Variants in TNFSF15 observed in about 807,000 individuals in gnomAD.
TNFSF15 encodes TNF superfamily member 15.
In TNFSF15, 15 loss-of-function variants were observed where a neutral mutation model predicts 26.4. The observed-to-expected ratio is 0.57, with a 90% CI of 0.38 to 0.87. The LOEUF (loss-of-function observed/expected upper bound fraction) is 0.87. TNFSF15 is among the 40% of genes least tolerant of loss of function. The probability of loss-of-function intolerance (pLI) is 0.00; values close to 1 mark genes in which losing one functional copy is unlikely to be tolerated. For synonymous variants in TNFSF15, 116 were observed against 115.0 expected, an observed-to-expected ratio of 1.01 and a Z score of -0.06; for missense variants, 290 against 306.1, an observed-to-expected ratio of 0.95 and a Z score of 0.39.
chr9:114,788,218 T>C lies in TNFSF15; in HGVS notation c.*2234A>G, dbSNP rs2131300899. ...GAGTTACTGAGAAATCTTTCTTTTC[T>C]GCTTTAAGTCAAGGGTAATTCCTCC... On this transcript the variant is annotated 3_prime_UTR_variant, in exon 4 of 4. Coordinates refer to ENST00000374045, the MANE Select transcript of TNFSF15 (RefSeq NM_005118.4). 6.5e-6 allele frequency: 1 copy of C among 153,918 alleles called. No individual in the cohort carries two copies. The highest frequency in any genetic ancestry group is 1.9e-4 in the East Asian group (1 of 5,178). 9.5% of individuals were successfully genotyped at this position (153,918 alleles called of 1,614,324 possible). A position where few individuals can be genotyped will look rare whatever the true frequency, so the allele number is the denominator to read the frequency against.
chr9:114,794,584 G>C (rs1829652537), intron 1 of TNFSF15, among the ~76,000 whole-genome samples: 1 of 152,082 alleles, frequency 6.6e-6, no homozygotes, highest in South Asian at 2.1e-4. Flanking sequence ...CTTATTGAAA[G>C]ACTATTCACA....
At chr9:114,798,838 A>G (rs1355013350) in intron 1 of TNFSF15, among the ~76,000 whole-genome samples, 1 of 152,216 alleles carries the variant, frequency 6.6e-6, no homozygotes, top group Non-Finnish European at 1.5e-5. Context: ...AATGATCCAC[A>G]TAGCCTTTCC....
In TNFSF15 at chr9:114,786,521, A is replaced by G. The variant is rs1305556597; in HGVS notation, c.*3931T>C. 1 of 152,160 alleles carries G rather than the reference A, an allele frequency of 6.6e-6. No homozygotes were observed. 9.4% of individuals were successfully genotyped at this position (152,160 alleles called of 1,614,324 possible). ...AACTGAATAGTTTAGGTTGAAATGG[A>G]GCCAAGAGTTCTGGTGTGCTCTATT... On this transcript the variant is annotated 3_prime_UTR_variant, in exon 4 of 4. Transcript: ENST00000374045.
intron 1 of TNFSF15, among the ~76,000 whole-genome samples, chr9:114,797,701 G>A (rs1461800042): frequency 6.6e-6 from 1 of 152,246 alleles, no homozygotes; most frequent in Non-Finnish European, 1.5e-5. Flanking sequence ...GCACCGAAGA[G>A]GTGTTGGCTC....
chr9:114,802,906 G>A (rs1269791075), intron 1 of TNFSF15, among the ~76,000 whole-genome samples: 6 of 152,178 alleles, frequency 3.9e-5, no homozygotes, highest in African/African-American at 1.2e-4. Context: ...CTCTGTCACC[G>A]ACTAGAGGTA....
At position 114,784,711 on chromosome 9, in the gene TNFSF15, A is replaced by T. The variant is rs1413985870; in HGVS notation, c.*5741T>A. On this transcript the variant is annotated 3_prime_UTR_variant, in exon 4 of 4. Coordinates refer to ENST00000374045, the MANE Select transcript of TNFSF15 (RefSeq NM_005118.4). ...TATTAAATATATTAACACATACAAC[A>T]TTTCATTTACAGAGATTAGAATTCA... The T allele has an allele frequency of 6.6e-6, 1 of 152,234 alleles. No homozygotes were observed. The highest frequency in any genetic ancestry group is 2.4e-5 in the African/African-American group (1 of 41,458). The allele number at this position is 152,234 out of a possible 1,614,324, so 9.4% of individuals were successfully genotyped here. A position where few individuals can be genotyped will look rare whatever the true frequency, so the allele number is the denominator to read the frequency against.
At position 114,787,773 on chromosome 9, in the gene TNFSF15, A is replaced by G. The variant is rs983464488; in HGVS notation, c.*2679T>C. Reference sequence around the variant, plus strand: ...TGTGCCTTTCCGTAAAAAATATACTATACAGAATTTAACAAAATCAGCAGT... The same window carrying G: ...TGTGCCTTTCCGTAAAAAATATACTGTACAGAATTTAACAAAATCAGCAGT... On this transcript the variant is annotated 3_prime_UTR_variant, in exon 4 of 4. Coordinates refer to ENST00000374045, the MANE Select transcript of TNFSF15 (RefSeq NM_005118.4). 6.5e-6 allele frequency: 1 copy of G among 153,790 alleles called. No individual in the cohort carries two copies. The highest frequency in any genetic ancestry group is 1.5e-5 in the Non-Finnish European group (1 of 68,050). The allele number at this position is 153,790 out of a possible 1,614,324, so 9.5% of individuals were successfully genotyped here.
intron 1 of TNFSF15, among the ~76,000 whole-genome samples, chr9:114,795,492 A>G (rs533321108): frequency 6.6e-6 from 1 of 152,380 alleles, no homozygotes; most frequent in East Asian, 1.9e-4. Flanking sequence ...TTTACACTGT[A>G]TTAGGTATCA....
intron 2 of TNFSF15, 87 bp downstream of exon 2, chr9:114,793,439 G>C (rs1174753238): frequency 6.8e-7 from 1 of 1,476,932 alleles, no homozygotes; most frequent in Non-Finnish European, 9.5e-7. Context: ...TGTACTTAAA[G>C]ACTCATCTCT....
At chr9:114,793,430 G>C in intron 2 of TNFSF15, 96 bp downstream of exon 2, 1 of 1,430,294 alleles carries the variant, frequency 7.0e-7, no homozygotes, top group African/African-American at 1.4e-5. Context: ...TTAGCAACTT[G>C]TACTTAAAGA....
At chr9:114,792,380 C>G in intron 3 of TNFSF15, 27 bp downstream of exon 3, 1 of 1,611,710 alleles carries the variant, frequency 6.2e-7, no homozygotes, top group Non-Finnish European at 8.5e-7. Flanking sequence ...CCCATGGTCT[C>G]CCGTAAAACA....
chr9:114,792,510 A>T, intron 2 of TNFSF15, 56 bp from the exon 3 acceptor site: 1 of 1,612,450 alleles, frequency 6.2e-7, no homozygotes, highest in Non-Finnish European at 8.5e-7. Flanking sequence ...TGAAATGAAG[A>T]CGGCCCTTTG....
rs866462140 is a variant in TNFSF15 at position 114,805,871 on chromosome 9, C to T, written c.142G>A (p.Ala48Thr). The part of the protein sequence containing the change: ...TCCLVLLPFL[A>T]GLTTYLLVSQ... ...ACAAGCAGGTATGTGGTGAGTCCTG[C>T]AAGGAAGGGGAGCAACACCAGGCAG... Residue 48 changes from alanine to threonine, a missense_variant, in exon 1 of 4, where the codon GCA becomes ACA. Physicochemically the swap from Ala to Thr is moderately conservative, Grantham distance 58. This residue lies in a region of TNFSF15 where 179 missense variants were observed against 165.9 expected (regional missense o/e 1.08). Coordinates refer to ENST00000374045, the MANE Select transcript of TNFSF15 (RefSeq NM_005118.4). 1 of 1,613,986 alleles carries T rather than the reference C, an allele frequency of 6.2e-7. No individual in the cohort carries two copies. Among genetic ancestry groups the T allele is most frequent in the African/African-American group, 1.3e-5 (1 of 75,040 alleles).
chr9:114,798,539 G>A (rs575140140), intron 1 of TNFSF15, among the ~76,000 whole-genome samples: 1 of 152,188 alleles, frequency 6.6e-6, no homozygotes, highest in South Asian at 2.1e-4. Context: ...CCTGTATTGG[G>A]CATTTATGTG....
rs1829581501 is a variant in TNFSF15, at chr9:114,790,647, G to A, written c.561C>T (p.Ser187=). The change falls in exon 4 of 4, where the codon AGC becomes AGT. Residue 187 remains serine, a synonymous_variant. Coordinates refer to ENST00000374045, the MANE Select transcript of TNFSF15 (RefSeq NM_005118.4). ...ITVVITKVTD[S]YPEPTQLLMG... Reference sequence around the variant, plus strand: ...TGAGGAGCTGGGTTGGCTCAGGGTAGCTGTCTGTTACCTTGGTGATGACCA... The same window carrying A: ...TGAGGAGCTGGGTTGGCTCAGGGTAACTGTCTGTTACCTTGGTGATGACCA... The A allele has an allele frequency of 1.9e-6, 3 of 1,613,956 alleles. No individual in the cohort carries two copies. In the South Asian group the frequency reaches 3.3e-5, roughly 18 times the overall value.
At chr9:114,801,948 T>C (rs1432103234) in intron 1 of TNFSF15, among the ~76,000 whole-genome samples, 2 of 152,218 alleles carry the variant, frequency 1.3e-5, no homozygotes, top group Non-Finnish European at 2.9e-5. Flanking sequence ...TTTTGTGCGC[T>C]TCCTGAGATA....
At chr9:114,805,258 T>C (rs907572031) in intron 1 of TNFSF15, among the ~76,000 whole-genome samples, 1 of 152,184 alleles carries the variant, frequency 6.6e-6, no homozygotes, top group Non-Finnish European at 1.5e-5. Context: ...ATCTATAGCA[T>C]CATGTTGTTG....
At position 114,805,837 on chromosome 9, in the gene TNFSF15, A is replaced by G. The variant is rs745637627; in HGVS notation, c.176T>C (p.Leu59Pro). 6.2e-7 allele frequency: 1 copy of G among 1,613,564 alleles called. No homozygotes were observed. The highest frequency in any genetic ancestry group is 8.5e-7 in the Non-Finnish European group (1 of 1,180,030). Reference protein sequence around the residue: ...GLTTYLLVSQLRAQGEACVQF... With the variant: ...GLTTYLLVSQPRAQGEACVQF... ...CACACAGGCCTCTCCCTGGGCCCGGAGCTGGCTGACAAGCAGGTATGTGGT... is the reference window on the plus strand; with the variant it reads ...CACACAGGCCTCTCCCTGGGCCCGGGGCTGGCTGACAAGCAGGTATGTGGT... Residue 59 changes from leucine to proline, a missense_variant, in exon 1 of 4, where the codon CTC (leucine) becomes CCC (proline). Physicochemically the swap from Leu to Pro is moderately conservative, Grantham distance 98. Coordinates refer to ENST00000374045, the MANE Select transcript of TNFSF15 (RefSeq NM_005118.4).
At chr9:114,803,812 C>A (rs1025227033) in intron 1 of TNFSF15, among the ~76,000 whole-genome samples, 6 of 152,222 alleles carry the variant, frequency 3.9e-5, no homozygotes, top group African/African-American at 1.4e-4. Flanking sequence ...TTAGTTCTCT[C>A]TGGGTTTCTC....
Sources: allele counts gnomAD v4.1 joint callset (sites outside exome capture counted in the v4.1 genomes callset), GRCh38; gene constraint gnomAD v4.1.1; regional missense constraint gnomAD v4.1.1; transcripts MANE v1.5; gene names NCBI Gene and HGNC (gene_info 2026-07-23, HGNC 2026-07-21).